The following TTLL5 variants were observed in gnomAD, a reference collection of about 807,000 sequenced individuals.
TTLL5 encodes the protein tubulin tyrosine ligase like 5, also known as tubulin polyglutamylase TTLL5.
In TTLL5, 132 loss-of-function variants were observed where a neutral mutation model predicts 168.4. The ratio of observed to expected loss-of-function variants is 0.78; its 90% CI spans 0.68 to 0.91. The LOEUF (loss-of-function observed/expected upper bound fraction) is 0.91. Ranked by LOEUF, TTLL5 falls within the 40% of genes least tolerant of loss-of-function variation. The pLI, the probability that TTLL5 is intolerant of heterozygous loss-of-function variation, is 0.00. For synonymous variants in TTLL5, 546 were observed against 558.6 expected, an observed-to-expected ratio of 0.98 and a Z score of 0.32; for missense variants, 1,545 against 1,581.5, an observed-to-expected ratio of 0.98 and a Z score of 0.39.
At chr14:75,768,603 G>A (rs1162600974) in intron 20 of TTLL5, among the ~76,000 whole-genome samples, 1 of 152,048 alleles carries the variant, frequency 6.6e-6, no homozygotes, top group East Asian at 1.9e-4. Flanking sequence ...GTAGAGAAGA[G>A]TACTAAAGGA....
chr14:75,909,247 A>G lies in TTLL5; in HGVS notation c.3823+7023A>G, dbSNP rs184233706. Among the ~76,000 whole-genome samples the G allele has an allele frequency of 2.2e-3, 332 of 149,786 alleles. 1 individual carries two copies. Among genetic ancestry groups the G allele is most frequent in the African/African-American group, 7.8e-3 (318 of 40,588 alleles). On this transcript the variant is annotated intron_variant, in intron 31 of 31. Coordinates refer to ENST00000298832, the MANE Select transcript of TTLL5 (RefSeq NM_015072.5). Reference sequence around the variant, plus strand: ...GTATCTACACCCAACCTCCTTATCAAACTTTCACACACCAACCCAAAATTT... The same window carrying G: ...GTATCTACACCCAACCTCCTTATCAGACTTTCACACACCAACCCAAAATTT...
Position 75,757,949 on chromosome 14 carries a change from T to C in TTLL5, c.1550+4994T>C, listed in dbSNP as rs1890386538. 5.4e-6 allele frequency: 7 copies of C among 1,300,336 alleles called. No homozygotes were observed. In the South Asian group the frequency reaches 1.2e-4, roughly 22 times the overall value. The allele number at this position is 1,300,336 out of a possible 1,614,324, so 80.5% of individuals were successfully genotyped here. A position where few individuals can be genotyped will look rare whatever the true frequency, so the allele number is the denominator to read the frequency against. On this transcript the variant is annotated intron_variant, in intron 18 of 31. Transcript: ENST00000298832. ...TGCACAGACTAAGCATAATACCTTA[T>C]ATAACCATTTTTAGTTTGGTTCAGC...
At chr14:75,868,967 T>C (rs2030767633) in intron 29 of TTLL5, among the ~76,000 whole-genome samples, 1 of 148,754 alleles carries the variant, frequency 6.7e-6, no homozygotes, top group South Asian at 2.1e-4. Flanking sequence ...ATCTTTATAA[T>C]GGCGTATCAG....
intron 28 of TTLL5, among the ~76,000 whole-genome samples, chr14:75,827,088 C>T (rs1403950979): frequency 6.6e-6 from 1 of 152,202 alleles, no homozygotes; most frequent in African/African-American, 2.4e-5. Flanking sequence ...AACTATATAT[C>T]TGCAAAGGAA....
chr14:75,931,275 G>A (rs1476175728), intron 31 of TTLL5, among the ~76,000 whole-genome samples: 1 of 152,086 alleles, frequency 6.6e-6, no homozygotes, highest in Non-Finnish European at 1.5e-5. Flanking sequence ...AACACATCCA[G>A]AACTGACCTT....
At chr14:75,827,368 T>C (rs561585550) in intron 28 of TTLL5, among the ~76,000 whole-genome samples, 4 of 152,334 alleles carry the variant, frequency 2.6e-5, no homozygotes, top group South Asian at 2.1e-4. Flanking sequence ...TACCCACTTA[T>C]TAAAACTGTT....
chr14:75,683,713 T>C (rs1566813337), intron 5 of TTLL5, 57 bp downstream of exon 5: 11 of 1,393,186 alleles, frequency 7.9e-6, no homozygotes, highest in Non-Finnish European at 1.1e-5. Context: ...TTGGGGCATG[T>C]AGCCAGCAAA....
chr14:75,663,221 A>G lies in TTLL5; in HGVS notation c.72A>G (p.Gln24=). The G allele has an allele frequency of 6.2e-7, 1 of 1,611,788 alleles. No homozygotes were observed. Among genetic ancestry groups the G allele is most frequent in the Non-Finnish European group, 8.5e-7 (1 of 1,179,122 alleles). The stretch of plus-strand genomic sequence containing the variant: ...CAGAGGATGAGGAGGTCATAAGTCA[A>G]GAGTAAGTAATAGCAAGCCTGCTTT... ...SSSEDEEVIS[Q]EDHPCIMWTG... is the part of the protein sequence containing the mutation. Residue 24 remains glutamine (Q), a splice_region_variant and synonymous_variant, in exon 2 of 32, where the codon CAA becomes CAG. Transcript: ENST00000298832.
At chr14:75,743,977 A>G (rs938894119) in intron 15 of TTLL5, among the ~76,000 whole-genome samples, 3 of 152,100 alleles carry the variant, frequency 2.0e-5, no homozygotes, top group Admixed American at 2.0e-4. Context: ...TCCCATCTCC[A>G]AATGCTGTCA....
At position 75,847,277 on chromosome 14, in the gene TTLL5, A is replaced by T. The variant is rs1277369531; in HGVS notation, c.3327-16390A>T. On this transcript the variant is annotated intron_variant, in intron 28 of 31. Transcript: ENST00000298832. The stretch of plus-strand genomic sequence containing the variant: ...CTCGGCCTTCCAAAGTTCTGGGATT[A>T]CAGGCGTGAGCCACCGCATCTGGCT... Among the ~76,000 whole-genome samples, 3 of 151,996 alleles carry T rather than the reference A, an allele frequency of 2.0e-5. 1 individual carries two copies. The highest frequency in any genetic ancestry group is 7.3e-5 in the African/African-American group (3 of 41,292).
intron 27 of TTLL5, among the ~76,000 whole-genome samples, chr14:75,818,690 AG>A (rs1205344910): frequency 6.9e-6 from 1 of 145,488 alleles, no homozygotes; most frequent in African/African-American, 2.6e-5. Context: ...TAGTAGACAT[AG>A]GGTTTCACCA....
At chr14:75,725,236 G>T (rs1025246837) in intron 12 of TTLL5, among the ~76,000 whole-genome samples, 1 of 152,238 alleles carries the variant, frequency 6.6e-6, no homozygotes, top group Admixed American at 6.5e-5. Flanking sequence ...ATAATTGTTG[G>T]AGGAATGAAA....
chr14:75,898,974 G>C (rs572183979), intron 30 of TTLL5, among the ~76,000 whole-genome samples: 1 of 152,276 alleles, frequency 6.6e-6, no homozygotes, highest in South Asian at 2.1e-4. Flanking sequence ...TAATATTTCA[G>C]ACTGATGTTG....
At chr14:75,904,329 C>CA in intron 31 of TTLL5, 1 of 901,848 alleles carries the variant, frequency 1.1e-6, no homozygotes, top group Non-Finnish European at 1.4e-6. Context: ...GAATCATGGC[C>CA]AAGTGTGAAG....
intron 31 of TTLL5, among the ~76,000 whole-genome samples, chr14:75,929,431 CTTTCAA>C (rs2034197371): frequency 7.1e-6 from 1 of 141,526 alleles, no homozygotes; most frequent in Non-Finnish European, 1.5e-5. Flanking sequence ...TCTGAAAAGT[CTTTCAA>C]TAAAGATACC....
intron 3 of TTLL5, among the ~76,000 whole-genome samples, chr14:75,672,687 G>T (rs1165178562): frequency 2.6e-5 from 4 of 152,164 alleles, no homozygotes; most frequent in Non-Finnish European, 5.9e-5. Context: ...TCTGCTTGCT[G>T]TAGGTCTATT....
intron 26 of TTLL5, among the ~76,000 whole-genome samples, chr14:75,785,176 C>CTTTTTTT (rs903930146): frequency 3.9e-5 from 4 of 102,598 alleles, no homozygotes; most frequent in African/African-American, 8.3e-5. Context: ...AGATTTCCTC[C>CTTTTTTT]TTTTTTTTTT....
intron 28 of TTLL5, among the ~76,000 whole-genome samples, chr14:75,822,898 C>G (rs1327242732): frequency 6.6e-6 from 1 of 152,178 alleles, no homozygotes; most frequent in Non-Finnish European, 1.5e-5. Flanking sequence ...CTTGCCCAGA[C>G]AGTCTGAGGC....
intron 28 of TTLL5, among the ~76,000 whole-genome samples, chr14:75,826,374 C>T (rs1205676300): frequency 6.6e-6 from 1 of 151,156 alleles, no homozygotes; most frequent in Non-Finnish European, 1.5e-5. Flanking sequence ...TATACTTACA[C>T]TCCTGAACTG....
Sources: gnomAD v4.1 joint callset for allele counts (sites outside exome capture counted in the v4.1 genomes callset) on GRCh38, gnomAD v4.1.1 for gene constraint, MANE v1.5 for transcripts, NCBI Gene and HGNC (gene_info 2026-07-23, HGNC 2026-07-21) for gene names.